Variants in ZDHHC7 observed in about 807,000 individuals in gnomAD.
ZDHHC7 encodes zDHHC palmitoyltransferase 7.
In ZDHHC7, 12 loss-of-function variants were observed where a neutral mutation model predicts 34.1. That is an observed-to-expected ratio of 0.35 (90% confidence interval 0.23 to 0.57). The LOEUF (loss-of-function observed/expected upper bound fraction) is 0.57, where lower values mean the gene tolerates loss of function less well. Among genes scored for constraint, ZDHHC7 ranks in the 20% least tolerant of loss-of-function variants. The pLI, the probability that ZDHHC7 is intolerant of heterozygous loss-of-function variation, is 0.84. For synonymous variants in ZDHHC7, 185 were observed against 155.4 expected (o/e 1.19, Z -1.42); for missense variants, 388 against 402.7 (o/e 0.96, Z 0.31).
intron 4 of ZDHHC7, 86 bp downstream of exon 4, chr16:84,981,784 G>A (rs752650255): frequency 1.0e-4 from 165 of 1,603,352 alleles, no homozygotes; most frequent in Admixed American, 2.5e-4. Context: ...ATGTACCTAC[G>A]GTGGTGGGCG....
intron 3 of ZDHHC7, among the ~76,000 whole-genome samples, chr16:84,986,392 A>C (rs2072437407): frequency 6.6e-6 from 1 of 152,190 alleles, no homozygotes; most frequent in Admixed American, 6.5e-5. Flanking sequence ...GGTGGGAGGA[A>C]AGCACGCTTT....
intron 7 of ZDHHC7, 90 bp from the exon 8 acceptor site, chr16:84,976,609 G>GT (rs1182279840): frequency 3.3e-6 from 5 of 1,503,478 alleles, no homozygotes; most frequent in Non-Finnish European, 4.5e-6. Context: ...CTCAAGCACA[G>GT]TGTGGGCTCG....
chr16:85,018,608 C>T, the ZDHHC7 span, among the ~76,000 whole-genome samples: 1 of 152,044 alleles, frequency 6.6e-6, no homozygotes, highest in South Asian at 2.1e-4. Flanking sequence ...CCACCACGCC[C>T]GGCTCATTTT....
At chr16:84,981,819 A>C in intron 4 of ZDHHC7, 51 bp downstream of exon 4, 1 of 1,612,086 alleles carries the variant, frequency 6.2e-7, no homozygotes, top group Non-Finnish European at 8.5e-7. Context: ...ACAGCAGCAC[A>C]CGTACCCGCA....
the ZDHHC7 span, among the ~76,000 whole-genome samples, chr16:85,026,164 AG>A: frequency 6.6e-6 from 1 of 152,212 alleles, no homozygotes; most frequent in African/African-American, 2.4e-5. Flanking sequence ...TGGTAATGCA[AG>A]GGCAGGTCAG....
upstream of ZDHHC7, among the ~76,000 whole-genome samples, chr16:85,013,569 C>G (rs1006849897): frequency 2.6e-5 from 4 of 152,048 alleles, no homozygotes; most frequent in African/African-American, 9.7e-5. Flanking sequence ...GTCGAAGGTA[C>G]TATGTGAAAC....
chr16:84,988,981 C>G, intron 3 of ZDHHC7: 2 of 1,133,452 alleles, frequency 1.8e-6, no homozygotes, highest in South Asian at 1.4e-5. Context: ...CAAGGGGTTT[C>G]TGCTGCAGCC....
chr16:84,990,057 C>T (rs1295900669), intron 3 of ZDHHC7, among the ~76,000 whole-genome samples: 1 of 152,104 alleles, frequency 6.6e-6, no homozygotes, highest in Non-Finnish European at 1.5e-5. Context: ...CCTGAAAGCC[C>T]AGCTGGAAGC....
rs144679098 is a variant in ZDHHC7, at chr16:84,976,514, G to C, written c.756C>G (p.Ile252Met). The C allele has an allele frequency of 1.5e-5, 24 of 1,613,124 alleles. No homozygotes were observed. Among genetic ancestry groups the C allele is most frequent in the Non-Finnish European group, 1.8e-5 (21 of 1,179,960 alleles). The change falls in exon 8 of 8, where the codon ATC (isoleucine) becomes ATG (methionine). Residue 252 changes from isoleucine to methionine, a missense_variant. By Grantham distance (10) the Ile-to-Met change is conservative (BLOSUM62 1). Coordinates refer to ENST00000313732, the MANE Select transcript of ZDHHC7 (RefSeq NM_017740.3). ...TGGGCTTCTCACTTTTCAATCGCTC[G>C]ATCTCCTGGAAGCAGAAAGAAAAGC... The part of the protein sequence containing the change: ...IHSICNDETE[I>M]ERLKSEKPTW...
At chr16:85,008,141 C>T (rs757296451) in intron 1 of ZDHHC7, among the ~76,000 whole-genome samples, 7 of 152,016 alleles carry the variant, frequency 4.6e-5, no homozygotes, top group Non-Finnish European at 1.0e-4. Flanking sequence ...AACAATTTAA[C>T]CTTATTTAAT....
At chr16:84,995,494 C>T (rs1317272436) in intron 2 of ZDHHC7, among the ~76,000 whole-genome samples, 4 of 152,136 alleles carry the variant, frequency 2.6e-5, no homozygotes, top group Non-Finnish European at 5.9e-5. Flanking sequence ...GGCATGATGG[C>T]GGGTGCCTGT....
At chr16:85,023,190 G>C in the ZDHHC7 span, among the ~76,000 whole-genome samples, 1 of 145,092 alleles carries the variant, frequency 6.9e-6, no homozygotes, top group East Asian at 2.0e-4. Context: ...TTTTTGAGAC[G>C]AAGTATCGCT....
At chr16:85,018,296 G>A in the ZDHHC7 span, among the ~76,000 whole-genome samples, 9 of 152,106 alleles carry the variant, frequency 5.9e-5, no homozygotes, top group African/African-American at 9.7e-5. Flanking sequence ...ACTGATCTTC[G>A]GTGTAGGAAG....
chr16:85,022,033 G>A, the ZDHHC7 span, among the ~76,000 whole-genome samples: 7 of 150,396 alleles, frequency 4.7e-5, no homozygotes, highest in Non-Finnish European at 7.4e-5. Context: ...GGTGGCGGGC[G>A]CCTGTAGTCC....
At chr16:85,024,955 G>C in the ZDHHC7 span, among the ~76,000 whole-genome samples, 6 of 152,082 alleles carry the variant, frequency 3.9e-5, no homozygotes, top group African/African-American at 1.2e-4. Context: ...TATAAGCCTA[G>C]AGCTCTTGGA....
At chr16:85,021,676 C>T in the ZDHHC7 span, among the ~76,000 whole-genome samples, 1 of 151,886 alleles carries the variant, frequency 6.6e-6, no homozygotes, top group Non-Finnish European at 1.5e-5. Context: ...AGAGATTGTG[C>T]CACTGCACTC....
intron 3 of ZDHHC7, among the ~76,000 whole-genome samples, chr16:84,983,763 A>G (rs2072400888): frequency 6.7e-6 from 1 of 149,450 alleles, no homozygotes; most frequent in Admixed American, 6.6e-5. Context: ...GCACTTTGGG[A>G]GGCTGAGGTG....
intron 4 of ZDHHC7, among the ~76,000 whole-genome samples, chr16:84,981,627 C>T (rs1300523948): frequency 2.6e-5 from 4 of 152,196 alleles, no homozygotes; most frequent in African/African-American, 9.7e-5. Context: ...GCGAGTCCCT[C>T]GGGAAGGAGG....
chr16:85,008,973 A>G (rs1490420722), intron 1 of ZDHHC7, among the ~76,000 whole-genome samples: 1 of 151,306 alleles, frequency 6.6e-6, no homozygotes, highest in Non-Finnish European at 1.5e-5. Context: ...TTAACCCAGG[A>G]GGTAGAGGCT....
Sources: gnomAD v4.1 joint callset for allele counts (sites outside exome capture counted in the v4.1 genomes callset) on GRCh38, gnomAD v4.1.1 for gene constraint, MANE v1.5 for transcripts, NCBI Gene and HGNC (gene_info 2026-07-23, HGNC 2026-07-21) for gene names.